GLYR1: variants seen among roughly 807,000 people sequenced by gnomAD.
GLYR1 encodes the protein glyoxylate reductase 1 homolog.
GLYR1 carries 21 observed loss-of-function variants against 72.7 expected under a neutral mutation model. The observed-to-expected ratio is 0.29, with a 90% CI of 0.20 to 0.42. The LOEUF (loss-of-function observed/expected upper bound fraction) is 0.42, where lower values mean the gene tolerates loss of function less well. GLYR1 is among the 10% of genes least tolerant of loss of function. The pLI, the probability that GLYR1 is intolerant of heterozygous loss-of-function variation, is 1.00. For missense variants in GLYR1, 594 were observed against 712.1 expected, an observed-to-expected ratio of 0.83 and a Z score of 1.89; for synonymous variants, 392 against 270.2, an observed-to-expected ratio of 1.45 and a Z score of -4.42.
intron 3 of GLYR1, among the ~76,000 whole-genome samples, chr16:4,838,830 G>A (rs965455950): frequency 3.3e-5 from 5 of 151,940 alleles, no homozygotes; most frequent in South Asian, 2.1e-4. Flanking sequence ...CTCGTGATCC[G>A]CCTGACTTGC....
At chr16:4,819,902 T>C (rs2083903435) in intron 9 of GLYR1, among the ~76,000 whole-genome samples, 1 of 152,212 alleles carries the variant, frequency 6.6e-6, no homozygotes, top group Non-Finnish European at 1.5e-5. Flanking sequence ...TCACTCATTA[T>C]TTGGGTAGTA....
intron 3 of GLYR1, among the ~76,000 whole-genome samples, chr16:4,842,411 G>A (rs185943307): frequency 6.6e-6 from 1 of 152,016 alleles, no homozygotes; most frequent in African/African-American, 2.4e-5. Flanking sequence ...GTGCAATATT[G>A]TGATCATGGC....
At chr16:4,819,390 C>T (rs537588896) in intron 9 of GLYR1, among the ~76,000 whole-genome samples, 102 of 152,282 alleles carry the variant, frequency 6.7e-4, no homozygotes, top group Non-Finnish European at 1.1e-3. Context: ...TCACCGCAGC[C>T]TCAAACTCCT....
chr16:4,821,556 T>C lies in GLYR1; in HGVS notation c.723A>G (p.Ile241Met). 6.2e-7 allele frequency: 1 copy of C among 1,614,110 alleles called. No individual in the cohort carries two copies. The highest frequency in any genetic ancestry group is 8.5e-7 in the Non-Finnish European group (1 of 1,180,028). The change falls in exon 8 of 16, where the codon ATA becomes ATG. Residue 241 changes from isoleucine to methionine, a missense_variant. Physicochemically the swap from Ile to Met is conservative, Grantham distance 10. Transcript: ENST00000321919. ...CYQAITKKLK[I>M]CEEETGSTSI... ...CATGGAGCCTACATACCTCTTCACATATTTTCAACTTCTTCGTGATTGCCT... is the reference window on the plus strand; with the variant it reads ...CATGGAGCCTACATACCTCTTCACACATTTTCAACTTCTTCGTGATTGCCT...
chr16:4,835,041 C>T (rs908787268), intron 3 of GLYR1, among the ~76,000 whole-genome samples: 1 of 152,114 alleles, frequency 6.6e-6, no homozygotes, highest in African/African-American at 2.4e-5. Flanking sequence ...CTTAAGGAGT[C>T]GTGACCAGCC....
intron 3 of GLYR1, among the ~76,000 whole-genome samples, chr16:4,833,691 G>A (rs990890847): frequency 1.3e-5 from 2 of 151,188 alleles, no homozygotes; most frequent in Non-Finnish European, 2.9e-5. Flanking sequence ...AAAGGTAGAA[G>A]AACATACACC....
chr16:4,844,985 A>C, intron 3 of GLYR1, 89 bp downstream of exon 3: 11 of 837,200 alleles, frequency 1.3e-5, no homozygotes, highest in Non-Finnish European at 1.8e-5. Flanking sequence ...AGACTGAACT[A>C]AGGATCCTTA....
intron 6 of GLYR1, 143 bp downstream of exon 6, chr16:4,823,678 T>C (rs1225029439): frequency 1.4e-6 from 1 of 737,756 alleles, no homozygotes; most frequent in South Asian, 1.8e-5. Context: ...TTTTTAATTT[T>C]TTATTTCATA....
At position 4,803,434 on chromosome 16, in the gene GLYR1, A is replaced by G. The variant is rs1296332730; in HGVS notation, c.*1802T>C. 1.3e-5 allele frequency: 2 copies of G among 152,664 alleles called. No individual in the cohort carries two copies. The highest frequency in any genetic ancestry group is 2.9e-5 in the Non-Finnish European group (2 of 68,048). 9.5% of individuals were successfully genotyped at this position (152,664 alleles called of 1,614,324 possible). A position where few individuals can be genotyped will look rare whatever the true frequency, so the allele number is the denominator to read the frequency against. Reference sequence around the variant, plus strand: ...TTACAAGCTTTTTCACAAGTGTCACATTTTCTCCTTAAAAGGGAAGGATTT... The same window carrying G: ...TTACAAGCTTTTTCACAAGTGTCACGTTTTCTCCTTAAAAGGGAAGGATTT... On this transcript the variant is annotated 3_prime_UTR_variant, in exon 16 of 16. Transcript: ENST00000321919.
chr16:4,847,070 C>T, intron 1 of GLYR1, 158 bp downstream of exon 1: 1 of 697,512 alleles, frequency 1.4e-6, no homozygotes, highest in Non-Finnish European at 2.4e-6. Flanking sequence ...TGGACTGCCC[C>T]TTCCGCCTGG....
chr16:4,821,405 C>A lies in GLYR1; in HGVS notation c.781G>T (p.Gly261Cys). The change falls in exon 9 of 16, where the codon GGC becomes TGC. Residue 261 changes from glycine (G) to cysteine (C), a missense_variant. By Grantham distance (159) the Gly-to-Cys change is radical. Around this residue, in one of 5 missense-constraint regions of GLYR1, gnomAD observed 266 missense variants for 358.4 expected, o/e 0.74. Transcript: ENST00000321919. ...IQAADSTAVNGSITPTDKKIG... is the reference protein window; with the variant it reads ...IQAADSTAVNCSITPTDKKIG... Reference sequence around the variant, plus strand: ...TTTTTGTCTGTGGGTGTGATGCTGCCATTCACGGCTGTGCTGTCAGCTGCC... The same window carrying A: ...TTTTTGTCTGTGGGTGTGATGCTGCAATTCACGGCTGTGCTGTCAGCTGCC... 6.2e-7 allele frequency: 1 copy of A among 1,613,440 alleles called. No homozygotes were observed.
chr16:4,804,211 A>C lies in GLYR1; in HGVS notation c.*1025T>G, dbSNP rs1203208917. The C allele has an allele frequency of 2.0e-5, 3 of 152,710 alleles. No individual in the cohort carries two copies. Among genetic ancestry groups the C allele is most frequent in the Non-Finnish European group, 4.4e-5 (3 of 68,292 alleles). 9.5% of individuals were successfully genotyped at this position (152,710 alleles called of 1,614,324 possible). A position where few individuals can be genotyped will look rare whatever the true frequency, so the allele number is the denominator to read the frequency against. On this transcript the variant is annotated 3_prime_UTR_variant, in exon 16 of 16. Transcript: ENST00000321919. ...CACGGGAGGAAGAGGGAGAGGAGGG[A>C]GGATGGAGAGCGGTGGGCATGCAGG...
chr16:4,805,427 C>A, intron 15 of GLYR1, 117 bp from the exon 16 acceptor site: 2 of 822,116 alleles, frequency 2.4e-6, no homozygotes, highest in Non-Finnish European at 2.1e-6. Flanking sequence ...CCCAGGCTGT[C>A]CGGTTAGGAA....
chr16:4,841,422 A>G, intron 3 of GLYR1, among the ~76,000 whole-genome samples: 1 of 130,426 alleles, frequency 7.7e-6, no homozygotes, highest in Non-Finnish European at 1.6e-5. Context: ...GGAGTTTGCG[A>G]CCAGCCTGGG....
Position 4,804,983 on chromosome 16 carries a change from A to G in GLYR1, c.*253T>C. ...TGTGTGTGTGTGTGAACACACAGCC[A>G]CCTCGTCCGGGGGGCCAGTGCCCAG... On this transcript the variant is annotated 3_prime_UTR_variant, in exon 16 of 16. Coordinates refer to ENST00000321919, the MANE Select transcript of GLYR1 (RefSeq NM_032569.4). 7.7e-6 allele frequency: 4 copies of G among 516,594 alleles called. No individual in the cohort carries two copies. Among genetic ancestry groups the G allele is most frequent in the Non-Finnish European group, 1.4e-5 (4 of 282,538 alleles). 32.0% of individuals were successfully genotyped at this position (516,594 alleles called of 1,614,324 possible).
intron 3 of GLYR1, among the ~76,000 whole-genome samples, chr16:4,834,277 G>C (rs1328368787): frequency 6.6e-6 from 1 of 150,832 alleles, no homozygotes. Flanking sequence ...GCTCCAACTA[G>C]AGGAGTTAGG....
Position 4,808,661 on chromosome 16 carries a change from A to G in GLYR1, c.1587+2509T>C, listed in dbSNP as rs114047156. Among the ~76,000 whole-genome samples the G allele has an allele frequency of 5.0e-3, 766 of 152,324 alleles. 3 individuals carry two copies. The highest frequency in any genetic ancestry group is 0.018 in the African/African-American group (730 of 41,568). ...AAAGTGTATCAGCTGATAGTACTTT[A>G]AAAATACAGCTGCTGTTTCACAAAG... On this transcript the variant is annotated intron_variant, in intron 15 of 15. Transcript: ENST00000321919.
chr16:4,828,048 G>C (rs957247383), intron 5 of GLYR1, among the ~76,000 whole-genome samples: 1 of 151,588 alleles, frequency 6.6e-6, no homozygotes, highest in East Asian at 1.9e-4. Context: ...AAGCAATGAA[G>C]TATTTTTAAC....
At chr16:4,837,272 A>G (rs989480536) in intron 3 of GLYR1, among the ~76,000 whole-genome samples, 5 of 152,208 alleles carry the variant, frequency 3.3e-5, no homozygotes, top group African/African-American at 1.2e-4. Context: ...TCTCTACCAG[A>G]AAACACAAAA....
Sources: allele counts gnomAD v4.1 joint callset (sites outside exome capture counted in the v4.1 genomes callset), GRCh38; gene constraint gnomAD v4.1.1; regional missense constraint gnomAD v4.1.1; transcripts MANE v1.5; gene names NCBI Gene and HGNC (gene_info 2026-07-23, HGNC 2026-07-21).